DPP10: variants seen among roughly 807,000 people sequenced by gnomAD.
The protein encoded by DPP10 is dipeptidyl peptidase like 10.
Under a neutral mutation model 120.9 loss-of-function variants are expected in DPP10, and 33 were observed. That is an observed-to-expected ratio of 0.27 (90% confidence interval 0.21 to 0.37). The LOEUF is 0.37. Ranked by LOEUF, DPP10 falls within the 10% of genes least tolerant of loss-of-function variation. DPP10 has a pLI of 1.00. For missense variants in DPP10, 816 were observed against 942.8 expected (o/e 0.87, Z 1.76); for synonymous variants, 337 against 326.1 (o/e 1.03, Z -0.36).
rs536575322 is a variant in DPP10, at chr2:115,205,696, C to T, written c.61-103543C>T. Among the ~76,000 whole-genome samples the T allele has an allele frequency of 1.5e-3, 233 of 151,992 alleles. 2 individuals are homozygous for T. The highest frequency in any genetic ancestry group is 5.2e-3 in the African/African-American group (217 of 41,460). On this transcript the variant is annotated intron_variant, in intron 1 of 25. Transcript: ENST00000410059. ...TATACACCATAGAATATTATGCGGC[C>T]GTAAAAAAGAATGAAATCATGTTCT... is the stretch of plus-strand genomic sequence containing the variant.
chr2:114,788,459 A>T (rs1005640770), intron 1 of DPP10, among the ~76,000 whole-genome samples: 1 of 149,726 alleles, frequency 6.7e-6, no homozygotes, highest in Non-Finnish European at 1.5e-5. Context: ...CTCTGTCACC[A>T]GGCTGGAGTG....
chr2:114,771,696 G>C (rs1487564283), intron 1 of DPP10, among the ~76,000 whole-genome samples: 1 of 152,154 alleles, frequency 6.6e-6, no homozygotes, highest in Non-Finnish European at 1.5e-5. Context: ...AAGTTGAAGT[G>C]GAAAAGGGAG....
chr2:114,991,144 T>C (rs1700731149), intron 1 of DPP10, among the ~76,000 whole-genome samples: 1 of 152,206 alleles, frequency 6.6e-6, no homozygotes, highest in East Asian at 1.9e-4. Flanking sequence ...TATATTTTTA[T>C]GAGTACATGT....
chr2:114,929,749 G>A (rs2104490172), intron 1 of DPP10, among the ~76,000 whole-genome samples: 1 of 152,242 alleles, frequency 6.6e-6, no homozygotes, highest in Middle Eastern at 3.4e-3. Flanking sequence ...TACATCTTCA[G>A]CTTACGAAGA....
intron 1 of DPP10, among the ~76,000 whole-genome samples, chr2:114,452,875 C>G (rs1678366716): frequency 6.6e-6 from 1 of 152,074 alleles, no homozygotes; most frequent in Non-Finnish European, 1.5e-5. Context: ...TTCTTCAGTT[C>G]CATAATTGGC....
intron 7 of DPP10, among the ~76,000 whole-genome samples, chr2:115,707,345 A>T (rs1056095546): frequency 6.6e-6 from 1 of 151,774 alleles, no homozygotes; most frequent in African/African-American, 2.4e-5. Flanking sequence ...AAGTATCAAT[A>T]AATATAAAAG....
intron 1 of DPP10, among the ~76,000 whole-genome samples, chr2:114,955,273 G>A (rs933571866): frequency 1.3e-5 from 2 of 152,120 alleles, no homozygotes; most frequent in African/African-American, 4.8e-5. Flanking sequence ...ACCACCAGAG[G>A]TCACTCTTGT....
At position 115,842,602 on chromosome 2, in the gene DPP10, A is replaced by C. The variant is rs1575974200; in HGVS notation, c.*257A>C. On this transcript the variant is annotated 3_prime_UTR_variant, in exon 26 of 26. Transcript: ENST00000410059. ...CCTGGGAGAAATTAGTTTTGCATTAAAGTAGGAGTAGTGCATGTTTTCTTC... is the reference window on the plus strand; with the variant it reads ...CCTGGGAGAAATTAGTTTTGCATTACAGTAGGAGTAGTGCATGTTTTCTTC... 3.3e-6 allele frequency: 1 copy of C among 307,312 alleles called. No individual in the cohort carries two copies. The highest frequency in any genetic ancestry group is 9.2e-4 in the Middle Eastern group (1 of 1,086). The allele number at this position is 307,312 out of a possible 1,614,324, so 19.0% of individuals were successfully genotyped here.
rs561596998 is a variant in DPP10 at position 115,321,209 on chromosome 2, G to C, written c.175+11856G>C. ...CCCGCTCCTTGGGAGCCTGAGGCAG[G>C]AGAATCACTTGAACCCAGGAGGCAG... On this transcript the variant is annotated intron_variant, in intron 2 of 25. Coordinates refer to ENST00000410059, the MANE Select transcript of DPP10 (RefSeq NM_020868.6). Among the ~76,000 whole-genome samples the C allele has an allele frequency of 3.9e-5, 6 of 152,282 alleles. No homozygotes were observed. The South Asian group carries it at 8.3e-4, about 21-fold the overall frequency.
At chr2:115,583,962 T>C (rs1442672224) in intron 5 of DPP10, among the ~76,000 whole-genome samples, 1 of 152,186 alleles carries the variant, frequency 6.6e-6, no homozygotes, top group Non-Finnish European at 1.5e-5. Flanking sequence ...GTAGTTAAAA[T>C]TGATCTTTGC....
intron 5 of DPP10, among the ~76,000 whole-genome samples, chr2:115,688,377 G>A (rs1428303783): frequency 4.6e-5 from 7 of 152,234 alleles, no homozygotes; most frequent in Admixed American, 3.3e-4. Flanking sequence ...TTTAATTGAA[G>A]CTATTATTCC....
intron 2 of DPP10, among the ~76,000 whole-genome samples, chr2:115,319,497 G>A (rs1175300223): frequency 6.6e-6 from 1 of 152,136 alleles, no homozygotes; most frequent in African/African-American, 2.4e-5. Context: ...GAATTCACAA[G>A]TGAAGTCATC....
At chr2:114,815,827 C>T (rs2106338830) in intron 1 of DPP10, among the ~76,000 whole-genome samples, 1 of 151,846 alleles carries the variant, frequency 6.6e-6, no homozygotes, top group South Asian at 2.1e-4. Flanking sequence ...TGAGCAGGTC[C>T]CAGTTCAGCC....
chr2:115,003,052 A>G (rs1289902636), intron 1 of DPP10, among the ~76,000 whole-genome samples: 1 of 152,012 alleles, frequency 6.6e-6, no homozygotes. Flanking sequence ...TCATAAAGGA[A>G]CATACATCTG....
chr2:115,729,071 T>C (rs2092835470), intron 8 of DPP10, among the ~76,000 whole-genome samples: 1 of 152,208 alleles, frequency 6.6e-6, no homozygotes, highest in Non-Finnish European at 1.5e-5. Context: ...CCCGAAAATA[T>C]TAACAATAAG....
intron 13 of DPP10, among the ~76,000 whole-genome samples, chr2:115,772,041 G>A (rs1681540792): frequency 6.6e-6 from 1 of 151,246 alleles, no homozygotes; most frequent in South Asian, 2.1e-4. Flanking sequence ...TTGTTAAAGT[G>A]ATTCCAAAGG....
chr2:114,810,891 G>T (rs1161458860), intron 1 of DPP10, among the ~76,000 whole-genome samples: 1 of 152,164 alleles, frequency 6.6e-6, no homozygotes, highest in Non-Finnish European at 1.5e-5. Flanking sequence ...TAGCCCTGCG[G>T]TTTTTCCCAG....
rs558592980 is a variant in DPP10, at chr2:115,053,771, C to G, written c.61-255468C>G. 2.2e-4 allele frequency among the ~76,000 whole-genome samples: 33 copies of G among 152,212 alleles called. 1 individual carries two copies. The South Asian group carries it at 6.8e-3, about 32-fold the overall frequency. On this transcript the variant is annotated intron_variant, in intron 1 of 25. Transcript: ENST00000410059. ...AACACCTTTCTTTTCAACTATTGGT[C>G]TGAAACTCACAATCATGTTAAATCA... is the stretch of plus-strand genomic sequence containing the variant.
intron 1 of DPP10, among the ~76,000 whole-genome samples, chr2:115,129,843 A>G (rs2104779299): frequency 6.6e-6 from 1 of 152,316 alleles, no homozygotes; most frequent in East Asian, 1.9e-4. Context: ...GCATTTAAAC[A>G]AAAGTCCTTG....
Sources: allele counts gnomAD v4.1 joint callset (sites outside exome capture counted in the v4.1 genomes callset), GRCh38; gene constraint gnomAD v4.1.1; transcripts MANE v1.5; gene names NCBI Gene and HGNC (gene_info 2026-07-23, HGNC 2026-07-21).